OR9Q1: variants seen among roughly 807,000 people sequenced by gnomAD.
OR9Q1 encodes the protein olfactory receptor 9Q1.
For synonymous variants in OR9Q1, 153 were observed against 148.6 expected, an observed-to-expected ratio of 1.03 and a Z score of -0.22; for missense variants, 374 against 378.8, an observed-to-expected ratio of 0.99 and a Z score of 0.11.
chr11:58,150,090 A>G (rs1854335883), intron 2 of OR9Q1, among the ~76,000 whole-genome samples: 1 of 152,224 alleles, frequency 6.6e-6, no homozygotes. Flanking sequence ...CACTGGCAAT[A>G]TATAAGAGTT....
At chr11:58,104,348 AGTT>A (rs1853819769) in intron 2 of OR9Q1, among the ~76,000 whole-genome samples, 1 of 97,452 alleles carries the variant, frequency 1.0e-5, no homozygotes, top group South Asian at 5.3e-4. Context: ...GTTGGATGGT[AGTT>A]TTTTTTTTTT....
chr11:58,040,334 A>G (rs776177543), intron 1 of OR9Q1, among the ~76,000 whole-genome samples: 2 of 152,218 alleles, frequency 1.3e-5, no homozygotes, highest in Non-Finnish European at 2.9e-5. Flanking sequence ...CTCATTTTAC[A>G]TTGCAGCAAA....
intron 2 of OR9Q1, chr11:58,077,784 G>A (rs1201297831): frequency 6.6e-6 from 1 of 152,200 alleles, no homozygotes; most frequent in African/African-American, 2.4e-5. Context: ...CACAGAAGAA[G>A]CGGGCAAATG....
At chr11:58,112,115 C>T (rs1853907284) in intron 2 of OR9Q1, among the ~76,000 whole-genome samples, 1 of 151,676 alleles carries the variant, frequency 6.6e-6, no homozygotes, top group African/African-American at 2.4e-5. Flanking sequence ...TGGTGAAACT[C>T]TGTCTCTACT....
At chr11:58,117,049 C>T (rs1853962396) in intron 2 of OR9Q1, 1 of 152,128 alleles carries the variant, frequency 6.6e-6, no homozygotes, top group Non-Finnish European at 1.5e-5. Flanking sequence ...TGACTTTTAT[C>T]ATCATTGGTT....
chr11:58,061,816 C>A (rs1485767665), intron 2 of OR9Q1, among the ~76,000 whole-genome samples: 13 of 152,222 alleles, frequency 8.5e-5, no homozygotes, highest in Admixed American at 8.5e-4. Context: ...ATATGTTAAG[C>A]ATTGAGGTGC....
chr11:58,163,432 C>A (rs1278025043), intron 2 of OR9Q1, among the ~76,000 whole-genome samples: 2 of 152,190 alleles, frequency 1.3e-5, no homozygotes, highest in African/African-American at 4.8e-5. Flanking sequence ...TTCCTCCTGA[C>A]CTTGCTCTCT....
At chr11:58,086,931 G>A (rs530947010) in intron 2 of OR9Q1, among the ~76,000 whole-genome samples, 1 of 151,844 alleles carries the variant, frequency 6.6e-6, no homozygotes, top group South Asian at 2.1e-4. Flanking sequence ...GTGACCTATT[G>A]CACAGAATGG....
intron 2 of OR9Q1, among the ~76,000 whole-genome samples, chr11:58,074,782 A>G (rs1853523235): frequency 6.6e-6 from 1 of 152,156 alleles, no homozygotes; most frequent in South Asian, 2.1e-4. Context: ...TAATTTTTGT[A>G]TAAGGTGTAA....
At chr11:58,031,293 CT>C in intron 1 of OR9Q1, 1 of 1,614,138 alleles carries the variant, frequency 6.2e-7, no homozygotes, top group Non-Finnish European at 8.5e-7. Flanking sequence ...CTTGGGGCAA[CT>C]GAGTGTTTCC....
chr11:58,029,712 C>T (rs2119906934), intron 1 of OR9Q1, among the ~76,000 whole-genome samples: 1 of 152,234 alleles, frequency 6.6e-6, no homozygotes, highest in East Asian at 1.9e-4. Flanking sequence ...AGTGTGGATT[C>T]AAACCCAATT....
intron 2 of OR9Q1, among the ~76,000 whole-genome samples, chr11:58,113,950 C>T (rs1334547715): frequency 6.6e-6 from 1 of 152,066 alleles, no homozygotes; most frequent in African/African-American, 2.4e-5. Context: ...TGAAGAGCTT[C>T]TGTGAAGAAC....
intron 2 of OR9Q1, among the ~76,000 whole-genome samples, chr11:58,139,689 G>C (rs548593681): frequency 6.6e-6 from 1 of 152,162 alleles, no homozygotes; most frequent in Non-Finnish European, 1.5e-5. Flanking sequence ...ATCATTGTTG[G>C]ACATTTGGGT....
At chr11:58,096,452 C>T (rs990581760) in intron 2 of OR9Q1, among the ~76,000 whole-genome samples, 2 of 152,098 alleles carry the variant, frequency 1.3e-5, no homozygotes, top group Non-Finnish European at 2.9e-5. Flanking sequence ...ACTTAAGCTT[C>T]GTATAAATGA....
At chr11:58,109,529 TC>T in intron 2 of OR9Q1, 1 of 457,892 alleles carries the variant, frequency 2.2e-6, no homozygotes. Context: ...AGAATGATCA[TC>T]CCCCCATTCC....
At chr11:58,118,472 C>T in intron 2 of OR9Q1, 1 of 1,458,260 alleles carries the variant, frequency 6.9e-7, no homozygotes, top group East Asian at 2.3e-5. Flanking sequence ...AGAAAGTGGA[C>T]TAAAACAAGA....
intron 2 of OR9Q1, among the ~76,000 whole-genome samples, chr11:58,101,001 T>C (rs1853778243): frequency 3.3e-5 from 5 of 152,128 alleles, no homozygotes; most frequent in Admixed American, 3.3e-4. Context: ...TGGTGGTGGT[T>C]ATCAGAACCT....
intron 2 of OR9Q1, chr11:58,144,448 A>AT (rs1436446073): frequency 1.4e-5 from 2 of 142,380 alleles, no homozygotes; most frequent in Non-Finnish European, 3.2e-5. Flanking sequence ...TATTATTATT[A>AT]TTTTTTAATT....
intron 2 of OR9Q1, among the ~76,000 whole-genome samples, chr11:58,158,820 G>A (rs1236316797): frequency 1.3e-5 from 2 of 152,208 alleles, no homozygotes; most frequent in African/African-American, 4.8e-5. Flanking sequence ...GCCACATTCT[G>A]TCATGTGGAC....
Sources: gnomAD v4.1 joint callset for allele counts (sites outside exome capture counted in the v4.1 genomes callset) on GRCh38, gnomAD v4.1.1 for gene constraint, MANE v1.5 for transcripts, NCBI Gene and HGNC (gene_info 2026-07-23, HGNC 2026-07-21) for gene names.